The following DDX46 variants were observed in gnomAD, a reference collection of about 807,000 sequenced individuals.
The protein encoded by DDX46 is probable ATP-dependent RNA helicase DDX46.
DDX46 carries 30 observed loss-of-function variants against 134.9 expected under a neutral mutation model. That is an observed-to-expected ratio of 0.22 (90% CI 0.17 to 0.30). DDX46 has a LOEUF of 0.30. DDX46 is among the 10% of genes least tolerant of loss of function. The pLI, the probability that DDX46 is intolerant of heterozygous loss-of-function variation, is 1.00. For synonymous variants in DDX46, 415 were observed against 404.1 expected (o/e 1.03, Z -0.32); for missense variants, 622 against 1,248.7 (o/e 0.50, Z 7.56).
chr5:134,814,916 A>G (rs1270836028), intron 18 of DDX46, among the ~76,000 whole-genome samples: 1 of 151,970 alleles, frequency 6.6e-6, no homozygotes, highest in East Asian at 1.9e-4. Flanking sequence ...GTGCGTGGCC[A>G]TAACTAAAAC....
At chr5:134,809,718 G>C (rs770472346) in intron 16 of DDX46, among the ~76,000 whole-genome samples, 6 of 150,036 alleles carry the variant, frequency 4.0e-5, no homozygotes, top group Non-Finnish European at 7.4e-5. Flanking sequence ...TTTAAAATTC[G>C]TAACAGTTGG....
chr5:134,827,063 G>A (rs1194591483), intron 22 of DDX46, 43 bp downstream of exon 22: 1 of 1,544,230 alleles, frequency 6.5e-7, no homozygotes, highest in Non-Finnish European at 8.8e-7. Flanking sequence ...GTTTTAATAA[G>A]TGTTTTATTG....
At chr5:134,826,725 A>G (rs1253036896) in intron 21 of DDX46, 2 of 445,074 alleles carry the variant, frequency 4.5e-6, no homozygotes, top group South Asian at 4.2e-5. Flanking sequence ...AACACATAAT[A>G]TGACCTCAGT....
chr5:134,782,044 T>C lies in DDX46; in HGVS notation c.1003T>C (p.Phe335Leu). The C allele has an allele frequency of 6.3e-7, 1 of 1,591,730 alleles. No homozygotes were observed. The highest frequency in any genetic ancestry group is 8.5e-7 in the Non-Finnish European group (1 of 1,175,276). The change falls in exon 8 of 23, where the codon TTC (phenylalanine) becomes CTC (leucine). Residue 335 changes from phenylalanine (F) to leucine (L), a missense_variant. Phe to Leu is a conservative substitution (Grantham distance 22, BLOSUM62 0). Coordinates refer to ENST00000452510, the MANE Select transcript of DDX46 (RefSeq NM_001300860.2). ...TGAGTATGAGCCATTTAGGAAAAAC[T>C]TCTATGTTGAAGTTCCAGAACTAGC... ...KIEYEPFRKN[F>L]YVEVPELAKM... is the part of the protein sequence containing the mutation.
intron 21 of DDX46, among the ~76,000 whole-genome samples, chr5:134,824,358 C>T (rs536401716): frequency 3.0e-4 from 45 of 152,212 alleles, no homozygotes; most frequent in African/African-American, 9.2e-4. Flanking sequence ...TTTGGGAGGC[C>T]GAAGCGGGCG....
At chr5:134,777,525 A>G in intron 5 of DDX46, 49 bp from the exon 6 acceptor site, 1 of 1,603,628 alleles carries the variant, frequency 6.2e-7, no homozygotes, top group Non-Finnish European at 8.5e-7. Context: ...ATTGTGAAAT[A>G]CTGCATTTTT....
In DDX46 at chr5:134,828,821, T is replaced by A. The variant is rs1755659541; in HGVS notation, c.*115T>A. ...TTTTTAAATTCTATCTTGCTGATTT[T>A]TTTTAAATATAAGAAACTGGTACTT... On this transcript the variant is annotated 3_prime_UTR_variant, in exon 23 of 23. Transcript: ENST00000452510. The A allele has an allele frequency of 6.8e-6, 5 of 734,076 alleles. No homozygotes were observed. The South Asian group carries it at 2.1e-4, about 31-fold the overall frequency. 45.5% of individuals were successfully genotyped at this position (734,076 alleles called of 1,614,324 possible).
chr5:134,773,869 T>C lies in DDX46; in HGVS notation c.613+8T>C, dbSNP rs1753849948. ...GTTTAGAGGACGATGATGGTATATT[T>C]TTTAGCCTAATAGCCTGTATAACAC... On this transcript the variant is annotated splice_region_variant and intron_variant, in intron 5 of 22. Coordinates refer to ENST00000452510, the MANE Select transcript of DDX46 (RefSeq NM_001300860.2). 1 of 1,594,132 alleles carries C rather than the reference T, an allele frequency of 6.3e-7. No individual in the cohort carries two copies. Among genetic ancestry groups the C allele is most frequent in the Non-Finnish European group, 8.5e-7 (1 of 1,172,476 alleles).
chr5:134,823,544 G>C (rs1278714768), intron 21 of DDX46, among the ~76,000 whole-genome samples: 1 of 152,102 alleles, frequency 6.6e-6, no homozygotes, highest in Non-Finnish European at 1.5e-5. Flanking sequence ...GCCAGAACTA[G>C]GCAAACTACA....
intron 21 of DDX46, chr5:134,825,769 G>T (rs1477032964): frequency 1.3e-5 from 2 of 152,088 alleles, no homozygotes; most frequent in Non-Finnish European, 2.9e-5. Flanking sequence ...TCTAATCTCT[G>T]CCACTTCTAA....
At chr5:134,819,271 G>A (rs1354490917) in intron 21 of DDX46, among the ~76,000 whole-genome samples, 2 of 152,182 alleles carry the variant, frequency 1.3e-5, no homozygotes, top group African/African-American at 4.8e-5. Context: ...GGACTGACCT[G>A]TTTATGCTTC....
chr5:134,790,362 C>A, intron 12 of DDX46, 108 bp from the exon 13 acceptor site: 1 of 932,268 alleles, frequency 1.1e-6, no homozygotes, highest in East Asian at 2.6e-5. Flanking sequence ...CTGGTTAAGT[C>A]AGGCATTTTA....
At chr5:134,776,987 C>T (rs1350021109) in intron 5 of DDX46, among the ~76,000 whole-genome samples, 2 of 149,474 alleles carry the variant, frequency 1.3e-5, no homozygotes, top group African/African-American at 4.9e-5. Flanking sequence ...CCGAGGCGGG[C>T]GGATCACGAG....
intron 15 of DDX46, among the ~76,000 whole-genome samples, chr5:134,803,749 A>G (rs1225612995): frequency 6.6e-6 from 1 of 152,020 alleles, no homozygotes; most frequent in Non-Finnish European, 1.5e-5. Context: ...TTGGTCCAGT[A>G]AGGTTTCTCC....
At chr5:134,802,651 G>A (rs1754867716) in intron 15 of DDX46, among the ~76,000 whole-genome samples, 1 of 151,998 alleles carries the variant, frequency 6.6e-6, no homozygotes, top group Non-Finnish European at 1.5e-5. Context: ...GACGTTCCTT[G>A]TAAGCATTTT....
intron 10 of DDX46, among the ~76,000 whole-genome samples, chr5:134,785,184 A>G (rs1482927263): frequency 6.6e-6 from 1 of 152,166 alleles, no homozygotes; most frequent in Non-Finnish European, 1.5e-5. Flanking sequence ...TGCATTAGAA[A>G]ACTGTTTGCA....
chr5:134,781,163 A>G lies in DDX46; in HGVS notation c.796A>G (p.Thr266Ala), dbSNP rs1301317672. 1.9e-6 allele frequency: 3 copies of G among 1,589,364 alleles called. No individual in the cohort carries two copies. The highest frequency in any genetic ancestry group is 2.6e-6 in the Non-Finnish European group (3 of 1,174,296). Residue 266 changes from threonine (T) to alanine (A), a missense_variant, in exon 7 of 23, where the codon ACT becomes GCT. Physicochemically the swap from Thr to Ala is moderately conservative, Grantham distance 58. Around this residue, in one of 8 missense-constraint regions of DDX46, gnomAD observed 244 missense variants for 349.3 expected, o/e 0.70. Transcript: ENST00000452510. Reference protein sequence around the residue: ...KSGPTVTKVVTVVTTKKAVVD... With the variant: ...KSGPTVTKVVAVVTTKKAVVD... The stretch of plus-strand genomic sequence containing the variant: ...TGGGCCAACGGTCACAAAAGTTGTC[A>G]CTGTTGTGACAACCAAAAAAGCAGT...
chr5:134,776,895 C>T (rs1753955390), intron 5 of DDX46, among the ~76,000 whole-genome samples: 1 of 135,600 alleles, frequency 7.4e-6, no homozygotes, highest in South Asian at 2.3e-4. Flanking sequence ...GCCTGGGCAA[C>T]AGAGCGAGAC....
In DDX46 at chr5:134,795,306, A is replaced by G. The variant is rs958100860; in HGVS notation, c.1791+292A>G. On this transcript the variant is annotated intron_variant, in intron 14 of 22. Transcript: ENST00000452510. Reference sequence around the variant, plus strand: ...TTCTGGGCTGTAGTGCACTATGCCTATCTTTGTCCATGCTAAGTTCAGCAT... The same window carrying G: ...TTCTGGGCTGTAGTGCACTATGCCTGTCTTTGTCCATGCTAAGTTCAGCAT... 2.8e-5 allele frequency among the ~76,000 whole-genome samples: 4 copies of G among 144,900 alleles called. No homozygotes were observed. In the East Asian group the frequency reaches 6.0e-4, roughly 22 times the overall value.
Sources: gnomAD v4.1 joint callset for allele counts (sites outside exome capture counted in the v4.1 genomes callset) on GRCh38, gnomAD v4.1.1 for gene constraint, gnomAD v4.1.1 regional missense constraint, MANE v1.5 for transcripts, NCBI Gene and HGNC (gene_info 2026-07-23, HGNC 2026-07-21) for gene names.